The following IRF2 variants were observed in gnomAD, a reference collection of about 807,000 sequenced individuals.
The protein encoded by IRF2 is interferon regulatory factor 2.
Under a neutral mutation model 40.6 loss-of-function variants are expected in IRF2, and 15 were observed. That is an observed-to-expected ratio of 0.37 (90% CI 0.25 to 0.57). IRF2 has a LOEUF of 0.57. Among genes scored for constraint, IRF2 ranks in the 20% least tolerant of loss-of-function variants. The pLI, the probability that IRF2 is intolerant of heterozygous loss-of-function variation, is 0.77. For synonymous variants in IRF2, 151 were observed against 165.5 expected, an observed-to-expected ratio of 0.91 and a Z score of 0.67; for missense variants, 317 against 455.7, an observed-to-expected ratio of 0.70 and a Z score of 2.77.
At chr4:184,470,057 TCAG>T (rs1303145343) in intron 1 of IRF2, among the ~76,000 whole-genome samples, 1 of 152,120 alleles carries the variant, frequency 6.6e-6, no homozygotes, top group Non-Finnish European at 1.5e-5. Context: ...ACTCCTCAAT[TCAG>T]CACACTGTGC....
chr4:184,407,270 AC>A (rs1307399836), intron 6 of IRF2: 1 of 1,264,400 alleles, frequency 7.9e-7, no homozygotes, highest in African/African-American at 1.6e-5. Context: ...CATACACACA[AC>A]AAAAATTCAA....
Position 184,408,318 on chromosome 4 carries a change from C to G in IRF2, c.412-43G>C. The G allele has an allele frequency of 8.4e-7, 1 of 1,193,492 alleles. No individual in the cohort carries two copies. Among genetic ancestry groups the G allele is most frequent in the South Asian group, 1.2e-5 (1 of 81,844 alleles). The allele number at this position is 1,193,492 out of a possible 1,614,324, so 73.9% of individuals were successfully genotyped here. On this transcript the variant is annotated intron_variant, in intron 5 of 8. Transcript: ENST00000393593. The surrounding 1 kb of genome is among the most constrained non-coding windows in gnomAD (Gnocchi z 4.9). ...AAAAAGAATTGAGAACACTTCCTTTCCCCTCCCTTCTCTTAGCTGAAATTC... is the reference window on the plus strand; with the variant it reads ...AAAAAGAATTGAGAACACTTCCTTTGCCCTCCCTTCTCTTAGCTGAAATTC...
chr4:184,439,340 G>C (rs1738207778), intron 1 of IRF2, among the ~76,000 whole-genome samples: 2 of 145,054 alleles, frequency 1.4e-5, no homozygotes, highest in Non-Finnish European at 1.5e-5. Context: ...AAGCGGGGCG[G>C]AGCGGGGGTA....
intron 1 of IRF2, among the ~76,000 whole-genome samples, chr4:184,441,197 T>C (rs1738291300): frequency 6.6e-6 from 1 of 152,192 alleles, no homozygotes; most frequent in Admixed American, 6.5e-5. Context: ...TAGGCCTAAA[T>C]AGGCCTTGTA....
intron 1 of IRF2, among the ~76,000 whole-genome samples, chr4:184,458,376 T>C (rs1263405756): frequency 6.6e-6 from 1 of 152,228 alleles, no homozygotes; most frequent in East Asian, 1.9e-4. Flanking sequence ...AGCATGGATC[T>C]GAAATTTTCA....
chr4:184,472,989 G>C (rs995169441), intron 1 of IRF2, among the ~76,000 whole-genome samples: 7 of 152,162 alleles, frequency 4.6e-5, no homozygotes, highest in Admixed American at 1.3e-4. Flanking sequence ...AGGGGCATGA[G>C]TTACACCCGC....
intron 2 of IRF2, among the ~76,000 whole-genome samples, chr4:184,423,274 C>G (rs1737547518): frequency 6.6e-6 from 1 of 152,212 alleles, no homozygotes; most frequent in South Asian, 2.1e-4. Context: ...CGCGCCATGC[C>G]AGGGCCCACC....
At chr4:184,445,666 A>AAAAAG (rs1554016523) in intron 1 of IRF2, among the ~76,000 whole-genome samples, 13 of 151,654 alleles carry the variant, frequency 8.6e-5, no homozygotes, top group Non-Finnish European at 1.5e-4. Flanking sequence ...AAAAAAAAAA[A>AAAAAG]AAGAAGAAGA....
intron 2 of IRF2, among the ~76,000 whole-genome samples, chr4:184,420,582 C>T (rs944617923): frequency 2.0e-5 from 3 of 152,154 alleles, no homozygotes; most frequent in African/African-American, 7.2e-5. Context: ...CTCAAAACCG[C>T]CTCAAGCAAC....
At chr4:184,440,918 A>G (rs1738280935) in intron 1 of IRF2, among the ~76,000 whole-genome samples, 1 of 152,174 alleles carries the variant, frequency 6.6e-6, no homozygotes, top group South Asian at 2.1e-4. Context: ...GGGATACCCA[A>G]AAAGAGGTGA....
At chr4:184,465,843 G>A (rs898250023) in intron 1 of IRF2, among the ~76,000 whole-genome samples, 10 of 152,076 alleles carry the variant, frequency 6.6e-5, no homozygotes, top group South Asian at 6.2e-4. Flanking sequence ...GTTACTTCAC[G>A]TAAGTAGGTT....
chr4:184,415,288 C>T (rs1477769493), intron 5 of IRF2, among the ~76,000 whole-genome samples: 2 of 152,248 alleles, frequency 1.3e-5, no homozygotes, highest in Admixed American at 6.5e-5. Context: ...TGAATCATAT[C>T]TTCACGGCAC....
At position 184,444,771 on chromosome 4, in the gene IRF2, C is replaced by T. The variant is rs901871763; in HGVS notation, c.-6-15701G>A. Among the ~76,000 whole-genome samples, 7 of 152,196 alleles carry T rather than the reference C, an allele frequency of 4.6e-5. No individual in the cohort carries two copies. In the East Asian group the frequency reaches 1.3e-3, roughly 29 times the overall value. ...CCATCATGCTACTTGCAACAGTGCA[C>T]AATTTAAAACTTATGAATTGTTTAT... On this transcript the variant is annotated intron_variant, in intron 1 of 8. Coordinates refer to ENST00000393593, the MANE Select transcript of IRF2 (RefSeq NM_002199.4).
At chr4:184,443,133 C>G (rs1738376718) in intron 1 of IRF2, among the ~76,000 whole-genome samples, 1 of 152,284 alleles carries the variant, frequency 6.6e-6, no homozygotes, top group South Asian at 2.1e-4. Flanking sequence ...ACCATGTTGG[C>G]CAGGCTGGTC....
chr4:184,432,554 A>G (rs1445670686), intron 1 of IRF2, among the ~76,000 whole-genome samples: 2 of 152,244 alleles, frequency 1.3e-5, no homozygotes, highest in East Asian at 1.9e-4. Flanking sequence ...CTGTGAGTTC[A>G]ATGCTCATCA....
rs1165112265 is a variant in IRF2, at chr4:184,388,903, T to C, written c.905A>G (p.Asn302Ser). The change falls in exon 9 of 9, where the codon AAC (asparagine) becomes AGC (serine). Residue 302 changes from asparagine (N) to serine (S), a missense_variant. Asn to Ser is a conservative substitution (Grantham distance 46). Coordinates refer to ENST00000393593, the MANE Select transcript of IRF2 (RefSeq NM_002199.4). The surrounding 1 kb of genome is among the most constrained non-coding windows in gnomAD (Gnocchi z 4.6). ...IKEESNPVPY[N>S]SSWPPFQDLP... ...GTCTTGAAAAGGGGGCCAGGAGCTG[T>C]TGTAAGGCACCGGATTGCTCTCCTC... is the stretch of plus-strand genomic sequence containing the variant. 6.2e-6 allele frequency: 10 copies of C among 1,613,902 alleles called. No homozygotes were observed. Among genetic ancestry groups the C allele is most frequent in the African/African-American group, 1.3e-5 (1 of 74,928 alleles).
At chr4:184,390,238 G>A (rs1460012675) in intron 8 of IRF2, among the ~76,000 whole-genome samples, 1 of 152,120 alleles carries the variant, frequency 6.6e-6, no homozygotes, top group African/African-American at 2.4e-5. Context: ...GGACCCACTC[G>A]GAATCGAGAT....
At chr4:184,415,176 G>A (rs1737219902) in intron 5 of IRF2, among the ~76,000 whole-genome samples, 1 of 152,182 alleles carries the variant, frequency 6.6e-6, no homozygotes, top group African/African-American at 2.4e-5. Context: ...AAAGCACAAT[G>A]CAAGTAGATC....
chr4:184,469,148 G>T, intron 1 of IRF2, among the ~76,000 whole-genome samples: 1 of 152,268 alleles, frequency 6.6e-6, no homozygotes, highest in Non-Finnish European at 1.5e-5. Context: ...AATTGCATGG[G>T]GTCCCTGGAT....
Sources: gnomAD v4.1 joint callset for allele counts (sites outside exome capture counted in the v4.1 genomes callset) on GRCh38, gnomAD v4.1.1 for gene constraint, Gnocchi (gnomAD v3.1) non-coding constraint, MANE v1.5 for transcripts, NCBI Gene and HGNC (gene_info 2026-07-23, HGNC 2026-07-21) for gene names.